Variants in NDFIP2 observed in about 807,000 individuals in gnomAD.
The protein encoded by NDFIP2 is NEDD4 family-interacting protein 2.
Under a neutral mutation model 36.0 loss-of-function variants are expected in NDFIP2, and 19 were observed. The ratio of observed to expected loss-of-function variants is 0.53; its 90% CI spans 0.37 to 0.77. The LOEUF is 0.77. Ranked by LOEUF, NDFIP2 falls within the 30% of genes least tolerant of loss-of-function variation. The pLI, the probability that NDFIP2 is intolerant of heterozygous loss-of-function variation, is 0.00. For synonymous variants in NDFIP2, 181 were observed against 167.7 expected (o/e 1.08, Z -0.61); for missense variants, 446 against 435.8 (o/e 1.02, Z -0.21).
intron 2 of NDFIP2, 123 bp from the exon 3 acceptor site, chr13:79,533,193 GCTTATAA>G (rs1875084550): frequency 1.7e-6 from 1 of 585,418 alleles, no homozygotes; most frequent in Admixed American, 3.8e-5. Flanking sequence ...ATATTTTATA[GCTTATAA>G]CATAGGCCTA....
In NDFIP2 at chr13:79,481,338, A is replaced by C; in HGVS notation, c.135A>C (p.Gly45=). The change falls in exon 1 of 8, where the codon GGA becomes GGC. Residue 45 remains glycine (G), a synonymous_variant. Coordinates refer to ENST00000218652, the MANE Select transcript of NDFIP2 (RefSeq NM_019080.3). ...EVSAAAAGAT[G]SEELPPGDRG... is the part of the protein sequence containing the mutation. ...CGGCGGCCGCTGCGGGAGCCACAGGAAGTGAAGAGCTTCCGCCGGGAGACC... is the reference window on the plus strand; with the variant it reads ...CGGCGGCCGCTGCGGGAGCCACAGGCAGTGAAGAGCTTCCGCCGGGAGACC... 6.5e-7 allele frequency: 1 copy of C among 1,548,162 alleles called. No individual in the cohort carries two copies. Among genetic ancestry groups the C allele is most frequent in the Non-Finnish European group, 8.7e-7 (1 of 1,147,410 alleles).
chr13:79,550,080 A>G (rs566493652), intron 6 of NDFIP2, among the ~76,000 whole-genome samples: 4 of 151,922 alleles, frequency 2.6e-5, no homozygotes, highest in African/African-American at 9.6e-5. Context: ...AGTCATACAC[A>G]TACAGTAGAT....
intron 2 of NDFIP2, among the ~76,000 whole-genome samples, chr13:79,524,455 T>C (rs1392104338): frequency 6.6e-6 from 1 of 152,210 alleles, no homozygotes; most frequent in East Asian, 1.9e-4. Context: ...GCTGCATCGA[T>C]TGCTGATCAA....
intron 5 of NDFIP2, among the ~76,000 whole-genome samples, chr13:79,545,830 G>A (rs553565343): frequency 3.3e-5 from 5 of 151,598 alleles, no homozygotes; most frequent in South Asian, 2.1e-4. Context: ...TCCGCCTCCC[G>A]GGTTCAAGCA....
intron 1 of NDFIP2, among the ~76,000 whole-genome samples, chr13:79,485,857 T>C (rs1329132265): frequency 6.6e-6 from 1 of 152,236 alleles, no homozygotes; most frequent in African/African-American, 2.4e-5. Context: ...TAAATATTGA[T>C]GCATTACCTG....
intron 1 of NDFIP2, among the ~76,000 whole-genome samples, chr13:79,512,379 T>C (rs1271492910): frequency 6.6e-6 from 1 of 152,170 alleles, no homozygotes; most frequent in Non-Finnish European, 1.5e-5. Flanking sequence ...AGCTTTGTTA[T>C]CAAGCACATG....
chr13:79,514,828 A>G (rs1307335430), intron 1 of NDFIP2, among the ~76,000 whole-genome samples: 1 of 152,054 alleles, frequency 6.6e-6, no homozygotes, highest in Non-Finnish European at 1.5e-5. Flanking sequence ...TCCCCCCCTT[A>G]CATTTTTTTA....
chr13:79,501,765 T>C (rs1429891064), intron 1 of NDFIP2, among the ~76,000 whole-genome samples: 2 of 152,126 alleles, frequency 1.3e-5, no homozygotes, highest in African/African-American at 4.8e-5. Flanking sequence ...AAGTAATTGA[T>C]GTTACTGTAT....
rs1319148334 is a variant in NDFIP2, at chr13:79,556,073, A to G, written c.*3560A>G. On this transcript the variant is annotated 3_prime_UTR_variant, in exon 8 of 8. Coordinates refer to ENST00000218652, the MANE Select transcript of NDFIP2 (RefSeq NM_019080.3). ...ATAAACAAAATATCATCTTTTTGAA[A>G]ATAATTTATGTTCATTTCTACTTTG... The G allele has an allele frequency of 4.6e-5, 7 of 152,138 alleles. No individual in the cohort carries two copies. The highest frequency in any genetic ancestry group is 4.1e-4 in the South Asian group (2 of 4,832). 9.4% of individuals were successfully genotyped at this position (152,138 alleles called of 1,614,324 possible).
intron 1 of NDFIP2, 35 bp downstream of exon 1, chr13:79,481,559 C>T (rs1217957735): frequency 2.0e-6 from 3 of 1,518,278 alleles, no homozygotes; most frequent in South Asian, 2.5e-5. Flanking sequence ...CCCGGGACTG[C>T]CTCCCGCCGC....
chr13:79,482,169 C>CTTTTTTTTTTTT (rs10558361), intron 1 of NDFIP2, among the ~76,000 whole-genome samples: 146 of 75,876 alleles, frequency 1.9e-3, no homozygotes, highest in Non-Finnish European at 2.9e-3. Flanking sequence ...TTCTTTCTTT[C>CTTTTTTTTTTTT]TTTTTTTTTT....
intron 2 of NDFIP2, among the ~76,000 whole-genome samples, chr13:79,528,006 A>G (rs960580013): frequency 2.0e-5 from 3 of 152,170 alleles, no homozygotes; most frequent in African/African-American, 7.2e-5. Flanking sequence ...GCACATGCCT[A>G]TAATTCCAGT....
In NDFIP2 at chr13:79,545,089, A is replaced by G. The variant is rs552239121; in HGVS notation, c.840+1407A>G. 5.7e-4 allele frequency among the ~76,000 whole-genome samples: 87 copies of G among 152,296 alleles called. 1 individual carries two copies. Among genetic ancestry groups the G allele is most frequent in the African/African-American group, 1.3e-3 (56 of 41,580 alleles). On this transcript the variant is annotated intron_variant, in intron 5 of 7. Coordinates refer to ENST00000218652, the MANE Select transcript of NDFIP2 (RefSeq NM_019080.3). ...AGAAATTATTATTAAAAAAACCTCA[A>G]AGTTGGGCCTAGATAAGTCCAATGT... is the stretch of plus-strand genomic sequence containing the variant.
At chr13:79,533,559 GA>G (rs1355817074) in intron 3 of NDFIP2, 103 bp downstream of exon 3, 5 of 1,098,076 alleles carry the variant, frequency 4.6e-6, no homozygotes, top group Non-Finnish European at 6.2e-6. Context: ...TGTGTATGTA[GA>G]TTTTTTTTGA....
chr13:79,513,768 A>G (rs1478790215), intron 1 of NDFIP2, among the ~76,000 whole-genome samples: 1 of 151,906 alleles, frequency 6.6e-6, no homozygotes, highest in East Asian at 1.9e-4. Context: ...TAATATGTTC[A>G]GATCGCATTG....
chr13:79,513,801 T>C (rs548433657), intron 1 of NDFIP2, among the ~76,000 whole-genome samples: 2 of 152,206 alleles, frequency 1.3e-5, no homozygotes, highest in East Asian at 3.9e-4. Flanking sequence ...AAAGTCATAA[T>C]TGTAGGACAG....
chr13:79,544,002 T>G (rs935872147), intron 5 of NDFIP2, among the ~76,000 whole-genome samples: 3 of 152,204 alleles, frequency 2.0e-5, no homozygotes, highest in Admixed American at 2.0e-4. Context: ...AATAGCTGCC[T>G]TGTAGGATTT....
intron 1 of NDFIP2, among the ~76,000 whole-genome samples, chr13:79,505,438 T>TG (rs1292274433): frequency 6.6e-6 from 1 of 152,070 alleles, no homozygotes; most frequent in Admixed American, 6.6e-5. Context: ...AAGGCCAGCC[T>TG]GGGTAACATA....
intron 2 of NDFIP2, among the ~76,000 whole-genome samples, chr13:79,527,910 A>G (rs900081571): frequency 7.2e-5 from 11 of 152,104 alleles, no homozygotes; most frequent in Non-Finnish European, 1.2e-4. Context: ...AGACAATGAT[A>G]TTGACGATCC....
Sources: gnomAD v4.1 joint callset for allele counts (sites outside exome capture counted in the v4.1 genomes callset) on GRCh38, gnomAD v4.1.1 for gene constraint, MANE v1.5 for transcripts, NCBI Gene and HGNC (gene_info 2026-07-23, HGNC 2026-07-21) for gene names.